PTPRD: variants seen among roughly 807,000 people sequenced by gnomAD.
The protein encoded by PTPRD is protein tyrosine phosphatase receptor type D.
PTPRD carries 34 observed loss-of-function variants against 214.5 expected under a neutral mutation model. The ratio of observed to expected loss-of-function variants is 0.16; its 90% confidence interval spans 0.12 to 0.21. The LOEUF is 0.21. Among genes scored for constraint, PTPRD ranks in the 10% least tolerant of loss-of-function variants. The pLI is 1.00. For synonymous variants in PTPRD, 1,128 were observed against 845.7 expected (o/e 1.33, Z -5.79); for missense variants, 2,545 against 2,398.7 (o/e 1.06, Z -1.27).
In PTPRD at chr9:10,127,623, A is replaced by G. The variant is rs141822189; in HGVS notation, c.-544-93833T>C. Among the ~76,000 whole-genome samples, 605 of 152,300 alleles carry G rather than the reference A, an allele frequency of 4.0e-3. 3 individuals are homozygous for G. Among genetic ancestry groups the G allele is most frequent in the African/African-American group, 0.013 (561 of 41,580 alleles). On this transcript the variant is annotated intron_variant, in intron 3 of 45. Transcript: ENST00000381196. ...ATTATTTATTAATGATATTAATCAT[A>G]TTGTTTCTTATCCTTCTACCATCCT...
chr9:9,838,283 C>A (rs913357073), intron 5 of PTPRD, among the ~76,000 whole-genome samples: 1 of 152,024 alleles, frequency 6.6e-6, no homozygotes, highest in African/African-American at 2.4e-5. Context: ...GGTATATACC[C>A]AGTAATGGGA....
intron 5 of PTPRD, among the ~76,000 whole-genome samples, chr9:9,890,738 A>C (rs568162457): frequency 6.7e-4 from 102 of 152,100 alleles, no homozygotes; most frequent in African/African-American, 2.3e-3. Context: ...CCAGAAACAC[A>C]CCATCAATCG....
rs9299066 is a variant in PTPRD, at chr9:8,485,437, G to C, written c.3056-113C>G. 0.011 allele frequency: 7,719 copies of C among 717,720 alleles called. 419 individuals are homozygous for C. In the African/African-American group the frequency reaches 0.12, roughly 11 times the overall value. The allele number at this position is 717,720 out of a possible 1,614,324, so 44.5% of individuals were successfully genotyped here. ...AGATGCTGTCTACTTTGATCAGAGA[G>C]AGAAGTATGATTTTCCTACCTGTTT... On this transcript the variant is annotated intron_variant, in intron 28 of 45. Coordinates refer to ENST00000381196, the MANE Select transcript of PTPRD (RefSeq NM_002839.4).
At position 9,283,941 on chromosome 9, in the gene PTPRD, G is replaced by A. The variant is rs187535041; in HGVS notation, c.-202-100578C>T. ...GTTCACTATATTCAATCTTTCTTAG[G>A]TTTTGTGACTTTTCATAAACAACCA... On this transcript the variant is annotated intron_variant, in intron 9 of 45. Transcript: ENST00000381196. Among the ~76,000 whole-genome samples, 17 of 151,590 alleles carry A rather than the reference G, an allele frequency of 1.1e-4. No individual in the cohort carries two copies. The East Asian group carries it at 2.9e-3, about 26-fold the overall frequency.
chr9:9,640,590 A>C (rs1361606126), intron 7 of PTPRD, among the ~76,000 whole-genome samples: 1 of 152,222 alleles, frequency 6.6e-6, no homozygotes, highest in Admixed American at 6.5e-5. Flanking sequence ...ATATGTTCAC[A>C]TAGAAGGTAA....
intron 34 of PTPRD, among the ~76,000 whole-genome samples, chr9:8,440,831 T>C (rs2095523892): frequency 6.6e-6 from 1 of 152,180 alleles, no homozygotes; most frequent in Non-Finnish European, 1.5e-5. Context: ...TTTAAAATCA[T>C]GGCATTTTAA....
intron 3 of PTPRD, among the ~76,000 whole-genome samples, chr9:10,180,968 T>A (rs548918720): frequency 2.6e-4 from 39 of 152,182 alleles, no homozygotes; most frequent in African/African-American, 9.1e-4. Context: ...ATTCAATGAA[T>A]AAACTTTAGA....
At position 9,360,252 on chromosome 9, in the gene PTPRD, TG is replaced by T. The variant is rs1569567713; in HGVS notation, c.-203+37196del. ...TGTAGACTGACAGTTGTATAATAGA[TG>T]GGAAAAAAAAAAAGATGATTGGCAA... On this transcript the variant is annotated intron_variant, in intron 9 of 45. Transcript: ENST00000381196. Among the ~76,000 whole-genome samples the T allele has an allele frequency of 3.0e-5, 4 of 134,330 alleles. No individual in the cohort carries two copies. The South Asian group carries it at 9.2e-4, about 31-fold the overall frequency. The allele number at this position is 134,330 out of a possible 152,430, so 88.1% of individuals were successfully genotyped here.
chr9:8,448,147 A>C (rs1324242674), intron 34 of PTPRD, among the ~76,000 whole-genome samples: 1 of 151,934 alleles, frequency 6.6e-6, no homozygotes, highest in Non-Finnish European at 1.5e-5. Context: ...CAACACGGCC[A>C]AACTCCACCT....
chr9:8,377,307 G>T (rs1589056608), intron 37 of PTPRD, among the ~76,000 whole-genome samples: 1 of 152,008 alleles, frequency 6.6e-6, no homozygotes, highest in African/African-American at 2.4e-5. Flanking sequence ...AGAGTTGTCT[G>T]TTCCTTAAAA....
intron 2 of PTPRD, among the ~76,000 whole-genome samples, chr9:10,473,722 C>G (rs1361674611): frequency 6.6e-6 from 1 of 151,978 alleles, no homozygotes; most frequent in Non-Finnish European, 1.5e-5. Context: ...TTCAGTGATC[C>G]TAACATTTGA....
At chr9:8,848,504 ATT>A (rs34149878) in intron 11 of PTPRD, among the ~76,000 whole-genome samples, 39,442 of 124,946 alleles carry the variant, frequency 0.32, 6,024 homozygotes, top group Middle Eastern at 0.42. Context: ...TCTGGCAAAT[ATT>A]TTTTTTTTTT....
chr9:8,565,613 A>G (rs2088686809), intron 14 of PTPRD, among the ~76,000 whole-genome samples: 1 of 152,214 alleles, frequency 6.6e-6, no homozygotes, highest in Non-Finnish European at 1.5e-5. Context: ...TACTTGACAT[A>G]AAAATTATAT....
chr9:8,751,352 A>G (rs1565787941), intron 11 of PTPRD, among the ~76,000 whole-genome samples: 2 of 152,026 alleles, frequency 1.3e-5, no homozygotes, highest in Admixed American at 6.5e-5. Context: ...ACGGATCTCT[A>G]TGGCCACACT....
At chr9:8,592,345 C>G (rs2094169770) in intron 14 of PTPRD, among the ~76,000 whole-genome samples, 1 of 152,120 alleles carries the variant, frequency 6.6e-6, no homozygotes, top group South Asian at 2.1e-4. Flanking sequence ...AACTTTAAAA[C>G]CAATCTAAGC....
At chr9:8,421,466 C>T (rs973538076) in intron 35 of PTPRD, among the ~76,000 whole-genome samples, 1 of 151,866 alleles carries the variant, frequency 6.6e-6, no homozygotes, top group African/African-American at 2.4e-5. Context: ...TCCTGATAAA[C>T]GAGACACCAT....
In PTPRD at chr9:8,926,475, C is replaced by G. The variant is rs116644284; in HGVS notation, c.-104+92222G>C. On this transcript the variant is annotated intron_variant, in intron 11 of 45. Transcript: ENST00000381196. ...CTTTATGGTAAGCGTCTGTCCACTT[C>G]ATGGTTTCTCCTATGTGACCCTGAA... Among the ~76,000 whole-genome samples, 787 of 152,230 alleles carry G rather than the reference C, an allele frequency of 5.2e-3. 7 individuals are homozygous for G. Among genetic ancestry groups the G allele is most frequent in the African/African-American group, 0.018 (759 of 41,532 alleles).
At chr9:9,953,181 A>G (rs1213849945) in intron 4 of PTPRD, among the ~76,000 whole-genome samples, 1 of 152,172 alleles carries the variant, frequency 6.6e-6, no homozygotes, top group East Asian at 1.9e-4. Flanking sequence ...CATGGTGTGC[A>G]GATATGTGGT....
intron 43 of PTPRD, 145 bp from the exon 44 acceptor site, chr9:8,331,881 G>GTTATGGTTTATCTGCTAT: frequency 1.1e-6 from 1 of 951,452 alleles, no homozygotes; most frequent in East Asian, 2.8e-5. Context: ...TAGAAACTTA[G>GTTATGGTTTATCTGCTAT]TTATGGTTTA....
Sources: allele counts gnomAD v4.1 joint callset (sites outside exome capture counted in the v4.1 genomes callset), GRCh38; gene constraint gnomAD v4.1.1; transcripts MANE v1.5; gene names NCBI Gene and HGNC (gene_info 2026-07-23, HGNC 2026-07-21).